Variants in ATG7 observed in about 807,000 individuals in gnomAD.
ATG7 encodes the protein ubiquitin-like modifier-activating enzyme ATG7.
In ATG7, 70 loss-of-function variants were observed where a neutral mutation model predicts 82.4. That is an observed-to-expected ratio of 0.85 (90% CI 0.70 to 1.04). The LOEUF is 1.04. Ranked by LOEUF, ATG7 falls within the 50% of genes least tolerant of loss-of-function variation. The pLI, the probability that ATG7 is intolerant of heterozygous loss-of-function variation, is 0.00. For synonymous variants in ATG7, 287 were observed against 313.0 expected, an observed-to-expected ratio of 0.92 and a Z score of 0.88; for missense variants, 792 against 864.3, an observed-to-expected ratio of 0.92 and a Z score of 1.05.
intron 20 of ATG7, among the ~76,000 whole-genome samples, chr3:11,531,533 G>A (rs540927603): frequency 1.3e-5 from 2 of 152,164 alleles, no homozygotes; most frequent in Non-Finnish European, 2.9e-5. Context: ...TGGTCCGCAA[G>A]TCTGCATATT....
intron 20 of ATG7, among the ~76,000 whole-genome samples, chr3:11,498,409 C>G (rs1461842161): frequency 1.3e-5 from 2 of 152,188 alleles, no homozygotes; most frequent in Non-Finnish European, 2.9e-5. Flanking sequence ...TTGTCATAGG[C>G]TTTTGCTGTG....
intron 20 of ATG7, among the ~76,000 whole-genome samples, chr3:11,449,466 GGAGA>G (rs901816058): frequency 1.6e-4 from 25 of 152,302 alleles, no homozygotes; most frequent in African/African-American, 5.8e-4. Flanking sequence ...GGAATGAAAA[GGAGA>G]GAGAGATTGA....
At chr3:11,536,693 T>C (rs994005027) in intron 20 of ATG7, among the ~76,000 whole-genome samples, 1 of 152,134 alleles carries the variant, frequency 6.6e-6, no homozygotes, top group African/African-American at 2.4e-5. Flanking sequence ...ACGAACCTGC[T>C]GCCCCGACCC....
chr3:11,489,409 A>G (rs1433334690), intron 20 of ATG7, among the ~76,000 whole-genome samples: 3 of 151,676 alleles, frequency 2.0e-5, no homozygotes, highest in African/African-American at 7.3e-5. Context: ...TATCAATTTT[A>G]TTGATCCTTT....
intron 20 of ATG7, among the ~76,000 whole-genome samples, chr3:11,456,202 C>T (rs1416420341): frequency 1.3e-5 from 2 of 152,186 alleles, no homozygotes; most frequent in African/African-American, 2.4e-5. Context: ...TTCGGATTTG[C>T]GTGTTCTGAA....
At chr3:11,339,165 G>A (rs990055484) in intron 11 of ATG7, among the ~76,000 whole-genome samples, 2 of 151,788 alleles carry the variant, frequency 1.3e-5, no homozygotes, top group East Asian at 1.9e-4. Flanking sequence ...GCATGCTGGC[G>A]GGCGCGTGTA....
At chr3:11,466,117 C>G (rs1297372839) in intron 20 of ATG7, among the ~76,000 whole-genome samples, 2 of 152,192 alleles carry the variant, frequency 1.3e-5, no homozygotes, top group East Asian at 1.9e-4. Context: ...AATAATCCCC[C>G]AGGCATGAGA....
intron 17 of ATG7, among the ~76,000 whole-genome samples, chr3:11,364,315 C>T (rs1468480408): frequency 6.6e-6 from 1 of 152,134 alleles, no homozygotes; most frequent in Non-Finnish European, 1.5e-5. Context: ...GTTTATTGGC[C>T]TCTGATATGC....
chr3:11,426,992 A>G (rs2082417000), intron 20 of ATG7, 66 bp downstream of exon 20: 2 of 1,473,132 alleles, frequency 1.4e-6, no homozygotes, highest in Non-Finnish European at 1.8e-6. Flanking sequence ...TATTCGCCAT[A>G]TGGAAAAGGA....
chr3:11,534,201 C>T (rs1362806104), intron 20 of ATG7, among the ~76,000 whole-genome samples: 5 of 152,250 alleles, frequency 3.3e-5, no homozygotes. Flanking sequence ...CTGGAGATTC[C>T]AGCAGCACCC....
chr3:11,356,994 T>G (rs1323729838), intron 14 of ATG7, among the ~76,000 whole-genome samples: 15 of 152,190 alleles, frequency 9.9e-5, no homozygotes, highest in Admixed American at 9.8e-4. Flanking sequence ...TGTTCTTCCT[T>G]TCTTGAATTC....
chr3:11,424,957 A>C (rs990805012), intron 19 of ATG7, among the ~76,000 whole-genome samples: 5 of 144,628 alleles, frequency 3.5e-5, no homozygotes, highest in African/African-American at 1.2e-4. Flanking sequence ...TCATTCTTTT[A>C]ATGGATGCAA....
chr3:11,571,648 C>G, the ATG7 span, among the ~76,000 whole-genome samples: 1 of 152,232 alleles, frequency 6.6e-6, no homozygotes, highest in Non-Finnish European at 1.5e-5. Flanking sequence ...GCCTGGGCAA[C>G]AGGGTAAGAC....
chr3:11,473,227 T>C (rs946205960), intron 20 of ATG7, among the ~76,000 whole-genome samples: 1 of 152,248 alleles, frequency 6.6e-6, no homozygotes, highest in African/African-American at 2.4e-5. Flanking sequence ...ACTGTCAGCA[T>C]AGCTATTTCC....
chr3:11,567,098 G>C, the ATG7 span, among the ~76,000 whole-genome samples: 1 of 152,074 alleles, frequency 6.6e-6, no homozygotes, highest in East Asian at 1.9e-4. Flanking sequence ...GTGCAGCCTC[G>C]GCTGTGATGT....
At chr3:11,574,783 ATATGTGTGTG>A in the ATG7 span, among the ~76,000 whole-genome samples, 200 of 111,852 alleles carry the variant, frequency 1.8e-3, 2 homozygotes, top group Middle Eastern at 9.3e-3. Flanking sequence ...ATTCAACTAT[ATATGTGTGTG>A]TGTGTGTGTG....
rs2077061827 is a variant in ATG7, at chr3:11,372,420, G to A, written c.1876-7552G>A. Among the ~76,000 whole-genome samples, 2 of 150,974 alleles carry A rather than the reference G, an allele frequency of 1.3e-5. 1 individual carries two copies. Among genetic ancestry groups the A allele is most frequent in the Admixed American group, 1.3e-4 (2 of 15,112 alleles). ...TTTTCATTTCGTACTTTTCTGCAGTGTTTTGAAAAATTAAGATTATAAGCC... is the reference window on the plus strand; with the variant it reads ...TTTTCATTTCGTACTTTTCTGCAGTATTTTGAAAAATTAAGATTATAAGCC... On this transcript the variant is annotated intron_variant, in intron 18 of 20. Coordinates refer to ENST00000693202, the MANE Select transcript of ATG7 (RefSeq NM_001349232.2).
At chr3:11,359,329 T>G (rs1378074037) in intron 15 of ATG7, among the ~76,000 whole-genome samples, 1 of 152,200 alleles carries the variant, frequency 6.6e-6, no homozygotes, top group Non-Finnish European at 1.5e-5. Flanking sequence ...TTTTCAAACT[T>G]TCTATATAAT....
intron 20 of ATG7, among the ~76,000 whole-genome samples, chr3:11,431,601 T>C (rs1477413871): frequency 1.3e-5 from 2 of 152,230 alleles, no homozygotes; most frequent in Non-Finnish European, 2.9e-5. Flanking sequence ...TCTTTCTGTC[T>C]GTAAGGATTT....
Sources: gnomAD v4.1 joint callset for allele counts (sites outside exome capture counted in the v4.1 genomes callset) on GRCh38, gnomAD v4.1.1 for gene constraint, MANE v1.5 for transcripts, NCBI Gene and HGNC (gene_info 2026-07-23, HGNC 2026-07-21) for gene names.